The following ADCY9 variants were observed in gnomAD, a reference collection of about 807,000 sequenced individuals.
The protein encoded by ADCY9 is adenylate cyclase type 9.
ADCY9 carries 50 observed loss-of-function variants against 101.5 expected under a neutral mutation model. That is an observed-to-expected ratio of 0.49 (90% CI 0.39 to 0.62). The LOEUF is 0.62. Among genes scored for constraint, ADCY9 ranks in the 20% least tolerant of loss-of-function variants. The pLI is 0.00. For synonymous variants in ADCY9, 905 were observed against 769.3 expected (o/e 1.18, Z -2.92); for missense variants, 1,662 against 1,800.4 (o/e 0.92, Z 1.39).
chr16:4,110,375 A>C (rs1316616883), intron 2 of ADCY9, among the ~76,000 whole-genome samples: 18 of 88,582 alleles, frequency 2.0e-4, no homozygotes, highest in South Asian at 3.8e-4. Flanking sequence ...ACTTATACCT[A>C]CTTTTTTTTT....
intron 2 of ADCY9, among the ~76,000 whole-genome samples, chr16:4,103,369 G>T (rs1160722889): frequency 6.6e-6 from 1 of 152,228 alleles, no homozygotes; most frequent in Non-Finnish European, 1.5e-5. Flanking sequence ...GACAGCATTT[G>T]CCTTCTTCAG....
At chr16:3,987,502 A>G (rs896923447) in intron 6 of ADCY9, among the ~76,000 whole-genome samples, 1 of 152,184 alleles carries the variant, frequency 6.6e-6, no homozygotes, top group African/African-American at 2.4e-5. Context: ...TGGTAAAAGG[A>G]GGATAATCAT....
At chr16:3,961,452 A>G (rs2055937798), downstream of ADCY9, among the ~76,000 whole-genome samples, 1 of 151,650 alleles carries the variant, frequency 6.6e-6, no homozygotes, top group African/African-American at 2.4e-5. Context: ...TGTCTCCAAA[A>G]AAAAAAAAAC....
chr16:3,958,681 T>TTTTTTC (rs2055921380), downstream of ADCY9, among the ~76,000 whole-genome samples: 1 of 136,114 alleles, frequency 7.3e-6, no homozygotes, highest in Non-Finnish European at 1.6e-5. Context: ...TACTTTTTTT[T>TTTTTTC]TTTTTTTTTT....
At chr16:4,012,777 G>A (rs1246329948) in intron 2 of ADCY9, among the ~76,000 whole-genome samples, 3 of 152,214 alleles carry the variant, frequency 2.0e-5, no homozygotes, top group African/African-American at 7.2e-5. Context: ...TGCACATAGT[G>A]GTGATCAGGT....
In ADCY9 at chr16:3,977,501, C is replaced by T. The variant is rs374209133; in HGVS notation, c.2809G>A (p.Val937Ile). The change falls in exon 9 of 11, where the codon GTC becomes ATC. Residue 937 changes from valine (V) to isoleucine (I), a missense_variant. Transcript: ENST00000294016. Reference protein sequence around the residue: ...VGAGPLLLLYVSLCPDSSVLT... With the variant: ...VGAGPLLLLYISLCPDSSVLT... ...GCGTACCTGTCTGGGCACAGGGAGA[C>T]GTAGAGCAGGAGCAGCGGCCCGGCC... 48 of 1,571,564 alleles carry T rather than the reference C, an allele frequency of 3.1e-5. No homozygotes were observed. The highest frequency in any genetic ancestry group is 6.7e-5 in the African/African-American group (5 of 74,122).
At chr16:4,068,461 G>A (rs17136760) in intron 2 of ADCY9, among the ~76,000 whole-genome samples, 26,092 of 151,882 alleles carry the variant, frequency 0.17, 2,419 homozygotes, top group African/African-American at 0.24. Flanking sequence ...TATTAAACAC[G>A]CTATTTTATG....
intron 2 of ADCY9, among the ~76,000 whole-genome samples, chr16:4,108,917 G>T (rs1483620292): frequency 6.6e-6 from 1 of 151,308 alleles, no homozygotes; most frequent in African/African-American, 2.4e-5. Context: ...CGTTGGCCAG[G>T]CTGGTCTCAA....
intron 2 of ADCY9, among the ~76,000 whole-genome samples, chr16:4,061,203 T>A (rs2056771678): frequency 6.6e-6 from 1 of 151,248 alleles, no homozygotes; most frequent in Non-Finnish European, 1.5e-5. Flanking sequence ...AAAAAGAACC[T>A]CAGAAACACA....
At chr16:4,008,378 G>C (rs1390465762) in intron 2 of ADCY9, among the ~76,000 whole-genome samples, 1 of 152,134 alleles carries the variant, frequency 6.6e-6, no homozygotes, top group East Asian at 1.9e-4. Flanking sequence ...TTTCTAGAAA[G>C]AGCCCAAGGA....
At chr16:4,058,606 G>T (rs1440687507) in intron 2 of ADCY9, among the ~76,000 whole-genome samples, 2 of 152,176 alleles carry the variant, frequency 1.3e-5, no homozygotes, top group Non-Finnish European at 2.9e-5. Context: ...CAATGACGTT[G>T]CAGGGGGAAG....
intron 2 of ADCY9, among the ~76,000 whole-genome samples, chr16:4,095,908 C>A (rs949955366): frequency 1.4e-5 from 2 of 139,856 alleles, no homozygotes; most frequent in African/African-American, 5.3e-5. Context: ...ACCCAGGAGG[C>A]GGAGTTTGCA....
At chr16:4,087,257 G>C (rs752433388) in intron 2 of ADCY9, among the ~76,000 whole-genome samples, 3 of 151,986 alleles carry the variant, frequency 2.0e-5, no homozygotes, top group African/African-American at 7.2e-5. Flanking sequence ...AAGGAAGGCC[G>C]GGCACGGTGG....
intron 2 of ADCY9, among the ~76,000 whole-genome samples, chr16:4,046,689 C>T (rs2056667185): frequency 6.6e-6 from 1 of 152,124 alleles, no homozygotes; most frequent in African/African-American, 2.4e-5. Context: ...GCTACTAGTT[C>T]ACGCAGATCA....
chr16:3,996,521 G>T (rs2056288071), intron 3 of ADCY9, among the ~76,000 whole-genome samples: 1 of 151,728 alleles, frequency 6.6e-6, no homozygotes, highest in Non-Finnish European at 1.5e-5. Flanking sequence ...TGGCTAAGGT[G>T]GGGGGCTTGG....
At chr16:4,057,035 A>ACCC (rs1326474279) in intron 2 of ADCY9, among the ~76,000 whole-genome samples, 5 of 78,944 alleles carry the variant, frequency 6.3e-5, no homozygotes, top group Admixed American at 1.6e-4. Context: ...TACTGATGAA[A>ACCC]CCGCCCCCCC....
At chr16:3,961,834 T>G (rs2055940618), downstream of ADCY9, among the ~76,000 whole-genome samples, 1 of 152,138 alleles carries the variant, frequency 6.6e-6, no homozygotes, top group South Asian at 2.1e-4. Flanking sequence ...GAGACCAGTC[T>G]GGCCAACATG....
At chr16:4,103,500 A>G (rs1342812065) in intron 2 of ADCY9, among the ~76,000 whole-genome samples, 2 of 152,176 alleles carry the variant, frequency 1.3e-5, no homozygotes, top group African/African-American at 4.8e-5. Context: ...ACTACCCCAC[A>G]CTTACGAAAG....
At chr16:3,989,211 G>A (rs1294743973) in intron 5 of ADCY9, 115 bp from the exon 6 acceptor site, 8 of 722,368 alleles carry the variant, frequency 1.1e-5, no homozygotes, top group African/African-American at 5.3e-5. Flanking sequence ...CAACAGCTGC[G>A]TCTAAAAGCG....
Sources: gnomAD v4.1 joint callset for allele counts (sites outside exome capture counted in the v4.1 genomes callset) on GRCh38, gnomAD v4.1.1 for gene constraint, MANE v1.5 for transcripts, NCBI Gene and HGNC (gene_info 2026-07-23, HGNC 2026-07-21) for gene names.